The following ACSS3 variants were observed in gnomAD, a reference collection of about 807,000 sequenced individuals.
ACSS3 encodes acyl-CoA synthetase short chain family member 3, also known as acyl-CoA synthetase short-chain family member 3, mitochondrial.
Under a neutral mutation model 84.2 loss-of-function variants are expected in ACSS3, and 64 were observed. That is an observed-to-expected ratio of 0.76 (90% CI 0.62 to 0.94). The LOEUF is 0.94. Among genes scored for constraint, ACSS3 ranks in the 40% least tolerant of loss-of-function variants. The pLI is 0.00. For synonymous variants in ACSS3, 317 were observed against 310.1 expected (o/e 1.02, Z -0.23); for missense variants, 815 against 867.6 (o/e 0.94, Z 0.76).
At chr12:81,170,649 GCTTT>G (rs1361689232) in intron 7 of ACSS3, among the ~76,000 whole-genome samples, 1 of 151,976 alleles carries the variant, frequency 6.6e-6, no homozygotes, top group Non-Finnish European at 1.5e-5. Flanking sequence ...CTGCATTATT[GCTTT>G]TGGTGTGTAT....
chr12:81,171,027 C>A (rs1345983586), intron 7 of ACSS3, among the ~76,000 whole-genome samples: 1 of 152,124 alleles, frequency 6.6e-6, no homozygotes, highest in Non-Finnish European at 1.5e-5. Flanking sequence ...TATAAGTCCT[C>A]TGTTTATTAC....
intron 7 of ACSS3, among the ~76,000 whole-genome samples, chr12:81,169,801 A>C (rs1366477279): frequency 6.6e-6 from 1 of 152,138 alleles, no homozygotes; most frequent in Non-Finnish European, 1.5e-5. Context: ...AAATTCAACA[A>C]ATGCTATTTC....
chr12:81,081,370 T>C (rs1880962673), intron 1 of ACSS3, among the ~76,000 whole-genome samples: 1 of 152,190 alleles, frequency 6.6e-6, no homozygotes, highest in Non-Finnish European at 1.5e-5. Flanking sequence ...GTAGGTGCTT[T>C]AGGGGTTTAT....
chr12:81,202,385 A>C (rs2032151142), intron 9 of ACSS3, among the ~76,000 whole-genome samples: 1 of 152,186 alleles, frequency 6.6e-6, no homozygotes, highest in Non-Finnish European at 1.5e-5. Context: ...TGAAAGGGCA[A>C]GTATGTTATG....
At chr12:81,082,102 G>A (rs1881016647) in intron 1 of ACSS3, among the ~76,000 whole-genome samples, 1 of 152,208 alleles carries the variant, frequency 6.6e-6, no homozygotes, top group Admixed American at 6.5e-5. Context: ...AGGGGTACAT[G>A]TGCAGGTTTG....
chr12:81,259,472 G>C lies in ACSS3; in HGVS notation c.*4550G>C, dbSNP rs967001169. ...GATGTTTATTATTCAAATGACTTAA[G>C]CATTTTATTACAATTTGTAGTAAAC... is the stretch of plus-strand genomic sequence containing the variant. On this transcript the variant is annotated 3_prime_UTR_variant, in exon 16 of 16. Transcript: ENST00000548058. 1.5e-5 allele frequency: 10 copies of C among 680,480 alleles called. No individual in the cohort carries two copies. In the African/African-American group the frequency reaches 1.8e-4, roughly 12 times the overall value. 42.2% of individuals were successfully genotyped at this position (680,480 alleles called of 1,614,324 possible). A position where few individuals can be genotyped will look rare whatever the true frequency, so the allele number is the denominator to read the frequency against.
In ACSS3 at chr12:81,164,673, T is replaced by C. The variant is rs1026300689; in HGVS notation, c.1099-10115T>C. 1.2e-4 allele frequency among the ~76,000 whole-genome samples: 19 copies of C among 152,328 alleles called. 1 individual carries two copies. The highest frequency in any genetic ancestry group is 8.5e-4 in the Admixed American group (13 of 15,304). On this transcript the variant is annotated intron_variant, in intron 7 of 15. Transcript: ENST00000548058. ...ATCTCCACTAAGTCATCCTATACTG[T>C]ATTTTTCACATGTACACCTTCTGAA...
At chr12:81,181,300 C>T (rs1338423168) in intron 8 of ACSS3, among the ~76,000 whole-genome samples, 1 of 152,126 alleles carries the variant, frequency 6.6e-6, no homozygotes, top group Non-Finnish European at 1.5e-5. Context: ...CCTGGAGAAG[C>T]TGTATGGAGA....
At chr12:81,213,863 C>CT (rs1439600895) in intron 9 of ACSS3, among the ~76,000 whole-genome samples, 2,573 of 98,020 alleles carry the variant, frequency 0.026, 214 homozygotes, top group South Asian at 0.07. Flanking sequence ...CTCTTCTCTT[C>CT]CTTTCTTTCT....
At chr12:81,254,208 G>A (rs1055879990) in intron 15 of ACSS3, among the ~76,000 whole-genome samples, 4 of 152,088 alleles carry the variant, frequency 2.6e-5, no homozygotes, top group East Asian at 1.9e-4. Flanking sequence ...GGGATTACAC[G>A]CCTGAGCCAC....
At chr12:81,172,073 C>A (rs919870766) in intron 7 of ACSS3, among the ~76,000 whole-genome samples, 4 of 151,960 alleles carry the variant, frequency 2.6e-5, no homozygotes, top group Non-Finnish European at 5.9e-5. Context: ...TCAAGACCAG[C>A]CTGGCTAACA....
At position 81,109,717 on chromosome 12, in the gene ACSS3, A is replaced by G. The variant is rs775039105; in HGVS notation, c.456+13A>G. 1 of 1,568,528 alleles carries G rather than the reference A, an allele frequency of 6.4e-7. No individual in the cohort carries two copies. Among genetic ancestry groups the G allele is most frequent in the Non-Finnish European group, 8.6e-7 (1 of 1,158,334 alleles). On this transcript the variant is annotated intron_variant, in intron 2 of 15. Coordinates refer to ENST00000548058, the MANE Select transcript of ACSS3 (RefSeq NM_024560.4). ...AGTTCTGGAGCAGGTAATATCATAA[A>G]CTTTATATATGTATATATGAATTCA... is the stretch of plus-strand genomic sequence containing the variant.
At chr12:81,196,247 C>T (rs1212565984) in intron 8 of ACSS3, among the ~76,000 whole-genome samples, 3 of 152,150 alleles carry the variant, frequency 2.0e-5, no homozygotes, top group African/African-American at 7.2e-5. Context: ...TCTACCTCTA[C>T]ACTCTCCCAT....
At position 81,156,617 on chromosome 12, in the gene ACSS3, C is replaced by T. The variant is rs180851136; in HGVS notation, c.1098+4521C>T. 2.2e-3 allele frequency among the ~76,000 whole-genome samples: 328 copies of T among 152,156 alleles called. 4 individuals are homozygous for T. The highest frequency in any genetic ancestry group is 7.6e-3 in the African/African-American group (316 of 41,528). On this transcript the variant is annotated intron_variant, in intron 7 of 15. Transcript: ENST00000548058. ...ACCACATGTGAAACAGTAGATATCA[C>T]TAAAGACGCTGCAGACATCAAAAGT...
At chr12:81,242,913 G>A (rs367913266) in intron 13 of ACSS3, among the ~76,000 whole-genome samples, 1 of 152,052 alleles carries the variant, frequency 6.6e-6, no homozygotes, top group Admixed American at 6.6e-5. Context: ...TACTGAATGG[G>A]CAAAAACTGG....
At chr12:81,251,510 A>G (rs1187715047) in intron 13 of ACSS3, among the ~76,000 whole-genome samples, 1 of 151,858 alleles carries the variant, frequency 6.6e-6, no homozygotes, top group Non-Finnish European at 1.5e-5. Context: ...TTCTTAGTTG[A>G]TATTGCTATG....
chr12:81,156,209 C>CCCACA (rs1555176599), intron 7 of ACSS3, among the ~76,000 whole-genome samples: 53 of 147,180 alleles, frequency 3.6e-4, no homozygotes, highest in Non-Finnish European at 5.3e-4. Context: ...CACACACACC[C>CCCACA]CACACACACA....
At chr12:81,122,631 T>A (rs1355084597) in intron 2 of ACSS3, among the ~76,000 whole-genome samples, 1 of 152,228 alleles carries the variant, frequency 6.6e-6, no homozygotes, top group Non-Finnish European at 1.5e-5. Flanking sequence ...TAGTCTTTTT[T>A]AATATAGTGT....
intron 7 of ACSS3, among the ~76,000 whole-genome samples, chr12:81,160,126 C>T (rs771361715): frequency 3.4e-4 from 52 of 152,166 alleles, no homozygotes; most frequent in Non-Finnish European, 7.2e-4. Context: ...ACTGTTTCTC[C>T]TTAAATCCGG....
Sources: gnomAD v4.1 joint callset for allele counts (sites outside exome capture counted in the v4.1 genomes callset) on GRCh38, gnomAD v4.1.1 for gene constraint, MANE v1.5 for transcripts, NCBI Gene and HGNC (gene_info 2026-07-23, HGNC 2026-07-21) for gene names.